Variants in GPR158 observed in about 807,000 individuals in gnomAD.
GPR158 encodes the protein G protein-coupled receptor 158, also known as metabotropic glycine receptor.
Under a neutral mutation model 78.2 loss-of-function variants are expected in GPR158, and 30 were observed. That is an observed-to-expected ratio of 0.38 (90% CI 0.29 to 0.52). The LOEUF is 0.52. Ranked by LOEUF, GPR158 falls within the 20% of genes least tolerant of loss-of-function variation. The pLI is 0.83. For synonymous variants in GPR158, 581 were observed against 591.1 expected (o/e 0.98, Z 0.25); for missense variants, 1,463 against 1,523.5 (o/e 0.96, Z 0.66).
chr10:25,463,391 TTGTCTGGATGGA>T (rs1422561943), intron 4 of GPR158, among the ~76,000 whole-genome samples: 1 of 139,038 alleles, frequency 7.2e-6, no homozygotes. Context: ...TTTCTGAGGT[TTGTCTGGATGGA>T]TGGATGGATG....
intron 2 of GPR158, among the ~76,000 whole-genome samples, chr10:25,225,849 T>C (rs1337877332): frequency 6.6e-6 from 1 of 152,110 alleles, no homozygotes; most frequent in African/African-American, 2.4e-5. Context: ...TAAAGATAAA[T>C]TTTAAAGAAG....
intron 6 of GPR158, among the ~76,000 whole-genome samples, chr10:25,555,285 G>A (rs1836774006): frequency 6.6e-6 from 1 of 151,974 alleles, no homozygotes; most frequent in Non-Finnish European, 1.5e-5. Flanking sequence ...TGATGGGGAT[G>A]GCATTGAATC....
chr10:25,481,747 C>T (rs1293810352), intron 5 of GPR158, among the ~76,000 whole-genome samples: 1 of 152,154 alleles, frequency 6.6e-6, no homozygotes, highest in Non-Finnish European at 1.5e-5. Context: ...ACCAGCAATG[C>T]AGAGTGTTTC....
At chr10:25,230,766 G>A (rs1302188036) in intron 2 of GPR158, among the ~76,000 whole-genome samples, 1 of 152,018 alleles carries the variant, frequency 6.6e-6, no homozygotes, top group Non-Finnish European at 1.5e-5. Context: ...AATGAAAAAG[G>A]CACATTTTAA....
chr10:25,211,306 A>T (rs1300824251), intron 1 of GPR158, among the ~76,000 whole-genome samples: 2 of 152,180 alleles, frequency 1.3e-5, no homozygotes. Flanking sequence ...ATCATTAGAC[A>T]TTTATTTGGC....
intron 2 of GPR158, among the ~76,000 whole-genome samples, chr10:25,384,594 A>G (rs1834197751): frequency 6.6e-6 from 1 of 152,222 alleles, no homozygotes; most frequent in Admixed American, 6.5e-5. Context: ...TTGGAATTAC[A>G]TAAACTTTAT....
At chr10:25,375,654 C>T (rs1834068043) in intron 2 of GPR158, among the ~76,000 whole-genome samples, 1 of 151,432 alleles carries the variant, frequency 6.6e-6, no homozygotes, top group East Asian at 1.9e-4. Flanking sequence ...AAAAGTGATC[C>T]TTTTTCCGCT....
At chr10:25,341,780 CA>C (rs1855305936) in intron 2 of GPR158, among the ~76,000 whole-genome samples, 1 of 151,256 alleles carries the variant, frequency 6.6e-6, no homozygotes, top group African/African-American at 2.4e-5. Context: ...AGGTCTGTGC[CA>C]ATCTTTTGTA....
intron 2 of GPR158, among the ~76,000 whole-genome samples, chr10:25,318,208 T>A (rs997613804): frequency 1.3e-5 from 2 of 152,178 alleles, no homozygotes; most frequent in Non-Finnish European, 1.5e-5. Flanking sequence ...TCCAGTTTTT[T>A]AAAAAATTAT....
intron 5 of GPR158, among the ~76,000 whole-genome samples, chr10:25,505,386 A>C (rs949523120): frequency 6.6e-6 from 1 of 152,234 alleles, no homozygotes; most frequent in Middle Eastern, 3.4e-3. Context: ...AATCCTTTTT[A>C]CTCTTGCCTC....
At chr10:25,515,590 A>G (rs1050505412) in intron 5 of GPR158, among the ~76,000 whole-genome samples, 9 of 124,198 alleles carry the variant, frequency 7.2e-5, no homozygotes, top group East Asian at 2.7e-4. Flanking sequence ...TCATTGTTCA[A>G]TTCCCACCTA....
intron 5 of GPR158, among the ~76,000 whole-genome samples, chr10:25,500,144 G>A (rs1427872267): frequency 6.6e-6 from 1 of 152,200 alleles, no homozygotes; most frequent in Non-Finnish European, 1.5e-5. Flanking sequence ...ACTTACATGT[G>A]AACTTTGATG....
chr10:25,237,303 T>C (rs181166723), intron 2 of GPR158, among the ~76,000 whole-genome samples: 2 of 152,318 alleles, frequency 1.3e-5, no homozygotes, highest in Admixed American at 1.3e-4. Flanking sequence ...GAAAACCTTC[T>C]TGGATGTTTA....
chr10:25,544,611 CTTGA>C (rs1181382437), intron 5 of GPR158, among the ~76,000 whole-genome samples: 4 of 151,980 alleles, frequency 2.6e-5, no homozygotes, highest in Admixed American at 2.6e-4. Context: ...AGCTTAGTGG[CTTGA>C]TTTTCTCAAT....
intron 2 of GPR158, among the ~76,000 whole-genome samples, chr10:25,278,818 A>T (rs1458876785): frequency 2.6e-5 from 4 of 151,674 alleles, no homozygotes; most frequent in Non-Finnish European, 5.9e-5. Context: ...ATATATCAAG[A>T]ATGAGGAATA....
At chr10:25,220,963 TATG>T in intron 1 of GPR158, 86 bp from the exon 2 acceptor site, 2 of 800,498 alleles carry the variant, frequency 2.5e-6, no homozygotes, top group Non-Finnish European at 4.0e-6. Context: ...GCATGTTCTT[TATG>T]ATAATTTTCT....
At chr10:25,518,526 C>A (rs1836214690) in intron 5 of GPR158, among the ~76,000 whole-genome samples, 1 of 84,698 alleles carries the variant, frequency 1.2e-5, no homozygotes, top group Non-Finnish European at 2.3e-5. Context: ...ATAAATTTCC[C>A]TCTACACACT....
intron 1 of GPR158, among the ~76,000 whole-genome samples, chr10:25,192,506 T>A (rs945304754): frequency 2.0e-5 from 3 of 152,166 alleles, no homozygotes; most frequent in Non-Finnish European, 2.9e-5. Context: ...ATCCAAGAAT[T>A]TCCACTTTCA....
chr10:25,422,868 C>A, intron 4 of GPR158, among the ~76,000 whole-genome samples: 1 of 142,784 alleles, frequency 7.0e-6, no homozygotes, highest in Admixed American at 7.0e-5. Context: ...CACACTTTCC[C>A]CCAAGTCCCC....
Sources: allele counts gnomAD v4.1 joint callset (sites outside exome capture counted in the v4.1 genomes callset), GRCh38; gene constraint gnomAD v4.1.1; transcripts MANE v1.5; gene names NCBI Gene and HGNC (gene_info 2026-07-23, HGNC 2026-07-21).